PCDH9: variants seen among roughly 807,000 people sequenced by gnomAD.
PCDH9 encodes the protein protocadherin-9.
PCDH9 carries 24 observed loss-of-function variants against 70.6 expected under a neutral mutation model. The observed-to-expected ratio is 0.34, with a 90% confidence interval of 0.25 to 0.48. The LOEUF (loss-of-function observed/expected upper bound fraction) is 0.48, where lower values mean the gene tolerates loss of function less well. Among genes scored for constraint, PCDH9 ranks in the 20% least tolerant of loss-of-function variants. The pLI, the probability that PCDH9 is intolerant of heterozygous loss-of-function variation, is 0.99. For missense variants in PCDH9, 1,281 were observed against 1,503.6 expected (o/e 0.85, Z 2.45); for synonymous variants, 562 against 558.5 (o/e 1.01, Z -0.09).
At chr13:67,164,472 G>A (rs1317031199) in intron 2 of PCDH9, among the ~76,000 whole-genome samples, 3 of 151,786 alleles carry the variant, frequency 2.0e-5, no homozygotes, top group Non-Finnish European at 4.4e-5. Context: ...CTACTTGGGA[G>A]GCTGAAGCAG....
chr13:66,767,369 A>C (rs909374589), intron 3 of PCDH9, among the ~76,000 whole-genome samples: 1 of 152,208 alleles, frequency 6.6e-6, no homozygotes, highest in Non-Finnish European at 1.5e-5. Flanking sequence ...CTGGCGATTT[A>C]CTTTTCATTC....
At chr13:66,705,551 G>A (rs369087834) in intron 3 of PCDH9, among the ~76,000 whole-genome samples, 1 of 152,106 alleles carries the variant, frequency 6.6e-6, no homozygotes, top group East Asian at 1.9e-4. Flanking sequence ...CTGAGATTTG[G>A]TATAATGCGT....
rs1470168181 is a variant in PCDH9, at chr13:66,354,401, CT to C, written c.3341-49374del. ...GAAGGTGATTTATTTTTTTTGTCTGCTTTTTTTCCTGTGTGTATTCTTAAAT... is the reference window on the plus strand; with the variant it reads ...GAAGGTGATTTATTTTTTTTGTCTGCTTTTTTCCTGTGTGTATTCTTAAAT... On this transcript the variant is annotated intron_variant, in intron 4 of 4. Transcript: ENST00000377865. Among the ~76,000 whole-genome samples, 6 of 151,748 alleles carry C rather than the reference CT, an allele frequency of 4.0e-5. No individual in the cohort carries two copies. In the East Asian group the frequency reaches 1.2e-3, roughly 29 times the overall value.
chr13:66,974,337 T>C (rs2083577959), intron 2 of PCDH9, among the ~76,000 whole-genome samples: 1 of 152,100 alleles, frequency 6.6e-6, no homozygotes, highest in East Asian at 1.9e-4. Context: ...CTGCTTTCCC[T>C]GACCTAACCC....
At chr13:66,695,149 C>T (rs2078543672) in intron 3 of PCDH9, among the ~76,000 whole-genome samples, 1 of 152,038 alleles carries the variant, frequency 6.6e-6, no homozygotes, top group Non-Finnish European at 1.5e-5. Context: ...GTGATCCTCC[C>T]GCCTCAGCCT....
chr13:67,105,881 T>C (rs1299932914), intron 2 of PCDH9, among the ~76,000 whole-genome samples: 2 of 151,360 alleles, frequency 1.3e-5, no homozygotes, highest in Admixed American at 6.6e-5. Context: ...TATATGTTTT[T>C]ATACATTAAA....
intron 2 of PCDH9, among the ~76,000 whole-genome samples, chr13:67,019,622 C>T (rs1471860325): frequency 6.6e-6 from 1 of 152,162 alleles, no homozygotes; most frequent in Non-Finnish European, 1.5e-5. Flanking sequence ...TGTAGTCTTT[C>T]CTTGATGTGT....
intron 2 of PCDH9, among the ~76,000 whole-genome samples, chr13:66,930,272 G>A (rs372052355): frequency 4.6e-5 from 7 of 152,212 alleles, no homozygotes; most frequent in Admixed American, 2.6e-4. Context: ...TTTACAAAAT[G>A]ACCAAAATTT....
At chr13:66,486,490 G>T (rs1300009202) in intron 4 of PCDH9, among the ~76,000 whole-genome samples, 1 of 151,776 alleles carries the variant, frequency 6.6e-6, no homozygotes, top group East Asian at 1.9e-4. Context: ...AAAAAAATTA[G>T]CCAGGCATGA....
chr13:66,692,948 C>A (rs774852953), intron 3 of PCDH9, among the ~76,000 whole-genome samples: 1 of 151,892 alleles, frequency 6.6e-6, no homozygotes, highest in Non-Finnish European at 1.5e-5. Flanking sequence ...ATACAAGGAA[C>A]AAAATAGGAA....
chr13:66,769,909 G>A (rs537764844), intron 3 of PCDH9, among the ~76,000 whole-genome samples: 3 of 152,008 alleles, frequency 2.0e-5, no homozygotes, highest in African/African-American at 7.3e-5. Flanking sequence ...GGCTCAGCAG[G>A]GGCAAGGCAG....
intron 4 of PCDH9, among the ~76,000 whole-genome samples, chr13:66,365,232 C>T (rs1956534992): frequency 6.6e-6 from 1 of 152,170 alleles, no homozygotes. Context: ...AGCAGAACGA[C>T]AAGGTTCTGT....
chr13:66,605,338 T>C (rs1464740301), intron 4 of PCDH9, among the ~76,000 whole-genome samples: 1 of 152,160 alleles, frequency 6.6e-6, no homozygotes. Context: ...AAGTAATATA[T>C]GTTGATTAAC....
intron 2 of PCDH9, among the ~76,000 whole-genome samples, chr13:67,183,389 G>A (rs981699920): frequency 8.5e-5 from 13 of 152,148 alleles, no homozygotes; most frequent in African/African-American, 2.9e-4. Flanking sequence ...GCATTCACAA[G>A]TCTGCTTCCT....
intron 2 of PCDH9, among the ~76,000 whole-genome samples, chr13:67,028,720 AAATT>A (rs2084843502): frequency 6.6e-6 from 1 of 152,152 alleles, no homozygotes; most frequent in Admixed American, 6.6e-5. Flanking sequence ...TCTTCCAAAT[AAATT>A]ACTAATATGT....
At chr13:67,060,002 T>A (rs943363335) in intron 2 of PCDH9, among the ~76,000 whole-genome samples, 2 of 151,158 alleles carry the variant, frequency 1.3e-5, no homozygotes, top group African/African-American at 4.9e-5. Flanking sequence ...GGGGTATGAG[T>A]ATGAGGGGGT....
intron 2 of PCDH9, among the ~76,000 whole-genome samples, chr13:66,908,828 C>A (rs1047942927): frequency 9.2e-5 from 14 of 151,988 alleles, no homozygotes; most frequent in Non-Finnish European, 5.9e-5. Flanking sequence ...CTTTATTGAA[C>A]AAATCAGTGT....
chr13:67,101,993 C>T (rs1265882498), intron 2 of PCDH9, among the ~76,000 whole-genome samples: 3 of 152,162 alleles, frequency 2.0e-5, no homozygotes, highest in Non-Finnish European at 4.4e-5. Context: ...TGTTAAAATG[C>T]TTCCTTTTAC....
intron 2 of PCDH9, among the ~76,000 whole-genome samples, chr13:67,180,038 A>G (rs2088574927): frequency 6.6e-6 from 1 of 152,128 alleles, no homozygotes; most frequent in African/African-American, 2.4e-5. Context: ...TAGAACTTTT[A>G]AATCACCAAA....
Sources: allele counts gnomAD v4.1 joint callset (sites outside exome capture counted in the v4.1 genomes callset), GRCh38; gene constraint gnomAD v4.1.1; transcripts MANE v1.5; gene names NCBI Gene and HGNC (gene_info 2026-07-23, HGNC 2026-07-21).